Variants in EFCAB6 observed in about 807,000 individuals in gnomAD.
The protein encoded by EFCAB6 is EF-hand calcium binding domain 6.
Under a neutral mutation model 169.8 loss-of-function variants are expected in EFCAB6, and 156 were observed. The ratio of observed to expected loss-of-function variants is 0.92; its 90% CI spans 0.81 to 1.05. The LOEUF (loss-of-function observed/expected upper bound fraction) is 1.05. Among genes scored for constraint, EFCAB6 ranks in the 50% least tolerant of loss-of-function variants. The probability of loss-of-function intolerance (pLI) is 0.00; values close to 1 mark genes in which losing one functional copy is unlikely to be tolerated. For synonymous variants in EFCAB6, 698 were observed against 676.4 expected (o/e 1.03, Z -0.50); for missense variants, 1,800 against 1,829.1 (o/e 0.98, Z 0.29).
chr22:43,540,629 C>A, intron 27 of EFCAB6: 1 of 1,252,536 alleles, frequency 8.0e-7, no homozygotes, highest in Non-Finnish European at 1.0e-6. Context: ...CACTTTAAGG[C>A]CATTAAATCT....
intron 1 of EFCAB6, among the ~76,000 whole-genome samples, chr22:43,810,228 G>A (rs1383363440): frequency 3.9e-5 from 6 of 152,070 alleles, no homozygotes; most frequent in Admixed American, 2.0e-4. Context: ...AAAGTATGAG[G>A]GACCAAACTG....
At chr22:43,550,989 A>G (rs191459967) in intron 27 of EFCAB6, among the ~76,000 whole-genome samples, 3 of 152,328 alleles carry the variant, frequency 2.0e-5, no homozygotes, top group Admixed American at 1.3e-4. Flanking sequence ...ACAGAGCTCG[A>G]TAAGTCAAGA....
chr22:43,607,418 G>C (rs1017472863), intron 22 of EFCAB6, among the ~76,000 whole-genome samples: 2 of 152,202 alleles, frequency 1.3e-5, no homozygotes, highest in African/African-American at 4.8e-5. Context: ...CAGGGACCAT[G>C]TTGTCATCTT....
rs2054710456 is a variant in EFCAB6, at chr22:43,628,771, C to T, written c.2233-2092G>A. The stretch of plus-strand genomic sequence containing the variant: ...ACTCCTCTGTACAATGGCACCAGCC[C>T]TGACTGGCCTCCCACGATCCTCTAC... On this transcript the variant is annotated intron_variant, in intron 19 of 31. Transcript: ENST00000262726. The surrounding 1 kb of genome is among the most constrained non-coding windows in gnomAD (Gnocchi z 4.8). Among the ~76,000 whole-genome samples the T allele has an allele frequency of 3.3e-5, 5 of 152,190 alleles. No homozygotes were observed. The highest frequency in any genetic ancestry group is 3.3e-4 in the Admixed American group (5 of 15,272).
intron 20 of EFCAB6, among the ~76,000 whole-genome samples, chr22:43,617,870 G>T (rs554358863): frequency 6.6e-6 from 1 of 151,998 alleles, no homozygotes; most frequent in African/African-American, 2.4e-5. Context: ...TTGTGAGGCC[G>T]AGGTGGGCAG....
chr22:43,722,529 C>CA (rs71188408), intron 8 of EFCAB6, among the ~76,000 whole-genome samples: 106,731 of 138,880 alleles, frequency 0.77, 40,597 homozygotes, highest in African/African-American at 0.81. Context: ...GACTGCATCT[C>CA]AAAAAAAAAA....
chr22:43,772,801 G>T, intron 4 of EFCAB6, 91 bp downstream of exon 4: 1 of 1,407,726 alleles, frequency 7.1e-7, no homozygotes, highest in Non-Finnish European at 9.8e-7. Flanking sequence ...TGGCAACAGT[G>T]GGGACAAAGA....
intron 2 of EFCAB6, among the ~76,000 whole-genome samples, chr22:43,797,602 T>TAC (rs954347269): frequency 4.0e-5 from 6 of 151,792 alleles, no homozygotes; most frequent in African/African-American, 1.2e-4. Flanking sequence ...CTCAATCCAA[T>TAC]ACACACACAC....
intron 10 of EFCAB6, among the ~76,000 whole-genome samples, chr22:43,709,243 G>A (rs1256744803): frequency 2.0e-5 from 3 of 151,906 alleles, no homozygotes; most frequent in Non-Finnish European, 4.4e-5. Context: ...CACCATGCCC[G>A]GCTAATTTTT....
chr22:43,711,072 A>T (rs2147370042), intron 10 of EFCAB6, among the ~76,000 whole-genome samples: 1 of 152,326 alleles, frequency 6.6e-6, no homozygotes, highest in African/African-American at 2.4e-5. Flanking sequence ...ATTAGAAAAC[A>T]TGAGGCAAGC....
intron 20 of EFCAB6, among the ~76,000 whole-genome samples, chr22:43,619,234 G>C (rs2053958958): frequency 6.6e-6 from 1 of 152,180 alleles, no homozygotes; most frequent in Non-Finnish European, 1.5e-5. Context: ...TCCCTGAAGA[G>C]CGCTGCAATG....
intron 26 of EFCAB6, among the ~76,000 whole-genome samples, chr22:43,575,920 G>A (rs1452210248): frequency 6.6e-6 from 1 of 152,082 alleles, no homozygotes; most frequent in Non-Finnish European, 1.5e-5. Flanking sequence ...TAGAAGACAT[G>A]CTATAGTGTT....
At chr22:43,557,993 T>TA (rs2048809370) in intron 26 of EFCAB6, among the ~76,000 whole-genome samples, 1 of 152,164 alleles carries the variant, frequency 6.6e-6, no homozygotes. Flanking sequence ...TATATATAAA[T>TA]AAAACATTGT....
intron 6 of EFCAB6, among the ~76,000 whole-genome samples, chr22:43,739,837 C>T (rs2060301553): frequency 6.6e-6 from 1 of 152,094 alleles, no homozygotes; most frequent in African/African-American, 2.4e-5. Flanking sequence ...CTTGGTCCTC[C>T]AGCCTCCACA....
chr22:43,669,010 C>G lies in EFCAB6; in HGVS notation c.1676G>C (p.Arg559Thr). Residue 559 changes from arginine to threonine, a missense_variant, in exon 16 of 32, where the codon AGA becomes ACA. Coordinates refer to ENST00000262726, the MANE Select transcript of EFCAB6 (RefSeq NM_022785.4). ...TGCCAAAAGTTTCTTGTAAAGGATT[C>G]TTCCTGAACCAATGTCCTGAATCTT... ...CSKIQDIGSG[R>T]ILYKKLLACI... is the part of the protein sequence containing the mutation. 1 of 1,611,368 alleles carries G rather than the reference C, an allele frequency of 6.2e-7. No individual in the cohort carries two copies. Among genetic ancestry groups the G allele is most frequent in the Non-Finnish European group, 8.5e-7 (1 of 1,178,776 alleles).
chr22:43,597,946 T>A (rs960238430), intron 23 of EFCAB6, among the ~76,000 whole-genome samples: 1 of 152,176 alleles, frequency 6.6e-6, no homozygotes, highest in South Asian at 2.1e-4. Context: ...CTAGACATCA[T>A]TATATGAAGA....
At chr22:43,586,527 T>C (rs2051084459) in intron 24 of EFCAB6, among the ~76,000 whole-genome samples, 3 of 151,858 alleles carry the variant, frequency 2.0e-5, no homozygotes, top group Non-Finnish European at 4.4e-5. Context: ...GAGTCATGCA[T>C]TCTGTCAGCA....
In EFCAB6 at chr22:43,571,045, G is replaced by T. The variant is rs182433140; in HGVS notation, c.3420+5252C>A. Among the ~76,000 whole-genome samples, 902 of 152,328 alleles carry T rather than the reference G, an allele frequency of 5.9e-3. 5 individuals are homozygous for T. Among genetic ancestry groups the T allele is most frequent in the African/African-American group, 0.014 (591 of 41,566 alleles). Reference sequence around the variant, plus strand: ...ATGACAGGGGAGGACTCATGGTCAAGCCACACAGCAGGGGCAGGAAGCCCG... The same window carrying T: ...ATGACAGGGGAGGACTCATGGTCAATCCACACAGCAGGGGCAGGAAGCCCG... On this transcript the variant is annotated intron_variant, in intron 26 of 31. Transcript: ENST00000262726.
At chr22:43,563,147 C>T (rs1045103696) in intron 26 of EFCAB6, among the ~76,000 whole-genome samples, 38 of 152,194 alleles carry the variant, frequency 2.5e-4, no homozygotes, top group Non-Finnish European at 5.9e-5. Flanking sequence ...GCAGAAGGAA[C>T]GCGGCCAGGG....
Sources: allele counts gnomAD v4.1 joint callset (sites outside exome capture counted in the v4.1 genomes callset), GRCh38; gene constraint gnomAD v4.1.1; non-coding constraint Gnocchi (gnomAD v3.1); transcripts MANE v1.5; gene names NCBI Gene and HGNC (gene_info 2026-07-23, HGNC 2026-07-21).